WWOX: variants seen among roughly 807,000 people sequenced by gnomAD.
WWOX encodes WW domain-containing oxidoreductase.
In WWOX, 69 loss-of-function variants were observed where a neutral mutation model predicts 46.2. The ratio of observed to expected loss-of-function variants is 1.49; its 90% confidence interval spans 1.23 to 1.82. The LOEUF is 1.82. Among genes scored for constraint, WWOX ranks in the 40% most tolerant of loss-of-function variants. The pLI is 0.00. For missense variants in WWOX, 919 were observed against 542.6 expected, an observed-to-expected ratio of 1.69 and a Z score of -6.89; for synonymous variants, 359 against 202.6, an observed-to-expected ratio of 1.77 and a Z score of -6.56.
intron 8 of WWOX, among the ~76,000 whole-genome samples, chr16:78,792,389 A>T (rs540404991): frequency 2.0e-5 from 3 of 152,258 alleles, no homozygotes; most frequent in African/African-American, 7.2e-5. Context: ...ACAGGCAGAA[A>T]CATAAAAAGC....
chr16:78,466,867 A>C (rs189447711), intron 8 of WWOX, among the ~76,000 whole-genome samples: 3,924 of 152,040 alleles, frequency 0.026, 188 homozygotes, highest in African/African-American at 0.091. Flanking sequence ...AGCACAAAAA[A>C]TTTTTTTCTT....
chr16:79,074,209 T>C (rs940968525), intron 8 of WWOX, among the ~76,000 whole-genome samples: 12 of 151,504 alleles, frequency 7.9e-5, no homozygotes, highest in Non-Finnish European at 1.6e-4. Context: ...AGCAAATATG[T>C]GGAAGGAACC....
intron 8 of WWOX, among the ~76,000 whole-genome samples, chr16:78,773,753 C>T (rs973698193): frequency 2.0e-5 from 3 of 152,056 alleles, no homozygotes; most frequent in Admixed American, 6.6e-5. Flanking sequence ...GGGCAGGAGG[C>T]GACAAACAAA....
chr16:78,597,119 C>T (rs569062456), intron 8 of WWOX, among the ~76,000 whole-genome samples: 1 of 152,184 alleles, frequency 6.6e-6, no homozygotes, highest in African/African-American at 2.4e-5. Context: ...AAAACTGCTC[C>T]TGACCTATTG....
chr16:79,024,863 C>T (rs775109544), intron 8 of WWOX, among the ~76,000 whole-genome samples: 15 of 152,320 alleles, frequency 9.8e-5, no homozygotes, highest in Admixed American at 2.0e-4. Context: ...AGCCACCACA[C>T]CTGGCCGCTG....
intron 8 of WWOX, among the ~76,000 whole-genome samples, chr16:79,114,242 C>T (rs1178140256): frequency 6.6e-6 from 1 of 151,818 alleles, no homozygotes; most frequent in African/African-American, 2.4e-5. Context: ...AATGTAACCT[C>T]ATTTGGAAGT....
At chr16:78,135,476 T>C (rs1225710966) in intron 4 of WWOX, among the ~76,000 whole-genome samples, 2 of 152,220 alleles carry the variant, frequency 1.3e-5, no homozygotes, top group African/African-American at 4.8e-5. Context: ...ATCTTCTAAA[T>C]TCAATTTTGT....
At chr16:78,280,555 A>C (rs879755529) in intron 5 of WWOX, among the ~76,000 whole-genome samples, 1 of 151,228 alleles carries the variant, frequency 6.6e-6, no homozygotes, top group Non-Finnish European at 1.5e-5. Context: ...CAGGAAGCAT[A>C]GCGGCTTCTG....
intron 8 of WWOX, among the ~76,000 whole-genome samples, chr16:78,910,521 T>A (rs370642205): frequency 7.2e-6 from 1 of 139,288 alleles, no homozygotes; most frequent in African/African-American, 2.6e-5. Flanking sequence ...TTTTTTTTTT[T>A]AAATTAAGGA....
At chr16:78,465,065 G>C (rs927040556) in intron 8 of WWOX, among the ~76,000 whole-genome samples, 3 of 152,164 alleles carry the variant, frequency 2.0e-5, no homozygotes, top group Admixed American at 6.5e-5. Flanking sequence ...CAGATCTCAT[G>C]AGATTTATTC....
intron 8 of WWOX, among the ~76,000 whole-genome samples, chr16:78,844,140 A>G (rs537045129): frequency 2.6e-4 from 40 of 152,150 alleles, no homozygotes; most frequent in African/African-American, 9.4e-4. Flanking sequence ...AATCTATCGT[A>G]TTTGTTTATT....
chr16:78,815,014 C>G (rs1436679801), intron 8 of WWOX, among the ~76,000 whole-genome samples: 1 of 152,168 alleles, frequency 6.6e-6, no homozygotes, highest in Non-Finnish European at 1.5e-5. Flanking sequence ...TGTCACTTCA[C>G]CACCTTCCTC....
intron 8 of WWOX, among the ~76,000 whole-genome samples, chr16:79,019,445 C>T (rs1260674801): frequency 6.6e-6 from 1 of 151,966 alleles, no homozygotes; most frequent in Non-Finnish European, 1.5e-5. Context: ...GTGTATATCT[C>T]AACATATCTA....
At chr16:78,363,467 C>T (rs928867004) in intron 5 of WWOX, among the ~76,000 whole-genome samples, 1 of 151,892 alleles carries the variant, frequency 6.6e-6, no homozygotes, top group African/African-American at 2.4e-5. Context: ...TTTGTAGTGA[C>T]AGTGTCTTGC....
intron 8 of WWOX, among the ~76,000 whole-genome samples, chr16:78,600,399 G>GT (rs887885002): frequency 6.6e-6 from 1 of 152,148 alleles, no homozygotes; most frequent in Non-Finnish European, 1.5e-5. Flanking sequence ...CCAGCCATTT[G>GT]TTACTGGGTT....
intron 5 of WWOX, among the ~76,000 whole-genome samples, chr16:78,268,392 C>T (rs917524642): frequency 6.6e-6 from 1 of 152,278 alleles, no homozygotes; most frequent in South Asian, 2.1e-4. Flanking sequence ...TTATTCTGCT[C>T]AGGGTAGCCA....
intron 5 of WWOX, among the ~76,000 whole-genome samples, chr16:78,223,314 G>C (rs183035005): frequency 6.6e-6 from 1 of 152,274 alleles, no homozygotes; most frequent in Non-Finnish European, 1.5e-5. Flanking sequence ...CAATGCACAG[G>C]CGCATCCTAC....
At chr16:78,768,381 G>A (rs1476786223) in intron 8 of WWOX, among the ~76,000 whole-genome samples, 3 of 151,348 alleles carry the variant, frequency 2.0e-5, no homozygotes, top group African/African-American at 4.9e-5. Context: ...TCTGAGGTGA[G>A]GAGTTTGAGA....
At chr16:78,441,251 C>G (rs2083438069) in intron 8 of WWOX, among the ~76,000 whole-genome samples, 1 of 152,188 alleles carries the variant, frequency 6.6e-6, no homozygotes, top group Non-Finnish European at 1.5e-5. Context: ...TCTGTCCCCC[C>G]TTCTCTTGAC....
Sources: allele counts gnomAD v4.1 joint callset (sites outside exome capture counted in the v4.1 genomes callset), GRCh38; gene constraint gnomAD v4.1.1; transcripts MANE v1.5; gene names NCBI Gene and HGNC (gene_info 2026-07-23, HGNC 2026-07-21).